The following VPS13A variants were observed in gnomAD, a reference collection of about 807,000 sequenced individuals.
VPS13A encodes the protein intermembrane lipid transfer protein VPS13A.
A neutral mutation model predicts 390.9 loss-of-function variants in VPS13A; 264 were observed. The observed-to-expected ratio is 0.68, with a 90% CI of 0.61 to 0.75. The LOEUF is 0.75. VPS13A is among the 30% of genes least tolerant of loss of function. The probability of loss-of-function intolerance (pLI) is 0.00; values close to 1 mark genes in which losing one functional copy is unlikely to be tolerated. For missense variants in VPS13A, 3,409 were observed against 3,733.9 expected (o/e 0.91, Z 2.27); for synonymous variants, 1,231 against 1,227.1 (o/e 1.00, Z -0.07).
chr9:77,418,513 C>G lies in VPS13A; in HGVS notation c.*2507C>G, dbSNP rs1835241454. Reference sequence around the variant, plus strand: ...TACTCTCTGAGCCAAAAGGCACATACAGTTCTCCAGTGTCTTCCCTTTTAG... The same window carrying G: ...TACTCTCTGAGCCAAAAGGCACATAGAGTTCTCCAGTGTCTTCCCTTTTAG... On this transcript the variant is annotated 3_prime_UTR_variant, in exon 72 of 72. Coordinates refer to ENST00000360280, the MANE Select transcript of VPS13A (RefSeq NM_033305.3). 1 of 152,230 alleles carries G rather than the reference C, an allele frequency of 6.6e-6. No homozygotes were observed. Among genetic ancestry groups the G allele is most frequent in the Non-Finnish European group, 1.5e-5 (1 of 68,048 alleles). 9.4% of individuals were successfully genotyped at this position (152,230 alleles called of 1,614,324 possible). A position where few individuals can be genotyped will look rare whatever the true frequency, so the allele number is the denominator to read the frequency against.
intron 68 of VPS13A, chr9:77,384,593 A>T (rs117258674): frequency 6.2e-7 from 1 of 1,611,492 alleles, no homozygotes; most frequent in Non-Finnish European, 8.5e-7. Flanking sequence ...AGAAAATTCA[A>T]TTCTACAGGG....
At chr9:77,303,871 T>G (rs181368100) in intron 34 of VPS13A, among the ~76,000 whole-genome samples, 371 of 152,270 alleles carry the variant, frequency 2.4e-3, no homozygotes, top group Admixed American at 3.9e-3. Context: ...ATCTCAGAAT[T>G]GAACAAATGT....
chr9:77,207,344 A>G (rs1564630694), intron 5 of VPS13A, among the ~76,000 whole-genome samples: 1 of 147,306 alleles, frequency 6.8e-6, no homozygotes, highest in African/African-American at 2.5e-5. Flanking sequence ...TTTTAAACTC[A>G]TCTCGTGTTT....
intron 13 of VPS13A, among the ~76,000 whole-genome samples, chr9:77,222,207 G>T (rs1184153505): frequency 6.6e-6 from 1 of 152,122 alleles, no homozygotes; most frequent in Non-Finnish European, 1.5e-5. Context: ...TGTTAGGAAT[G>T]CCTGGGCTTA....
intron 23 of VPS13A, among the ~76,000 whole-genome samples, chr9:77,264,765 C>T (rs1356970054): frequency 6.6e-6 from 1 of 152,124 alleles, no homozygotes; most frequent in Admixed American, 6.5e-5. Flanking sequence ...GATTTCCTTT[C>T]TTCCTATTTG....
intron 59 of VPS13A, among the ~76,000 whole-genome samples, chr9:77,365,114 A>C (rs886380204): frequency 6.6e-6 from 1 of 152,236 alleles, no homozygotes; most frequent in African/African-American, 2.4e-5. Context: ...AGTAGACTAC[A>C]AAATACAAGT....
intron 68 of VPS13A, among the ~76,000 whole-genome samples, chr9:77,398,454 G>GT (rs1159355484): frequency 3.3e-5 from 5 of 152,154 alleles, no homozygotes; most frequent in Non-Finnish European, 7.4e-5. Context: ...CTGATCCTCA[G>GT]TTTCTTTGTG....
chr9:77,184,863 C>G (rs945067542), intron 1 of VPS13A, among the ~76,000 whole-genome samples: 3 of 152,090 alleles, frequency 2.0e-5, no homozygotes, highest in African/African-American at 7.2e-5. Context: ...AAGTCCACAA[C>G]AGGGAGGGCA....
At chr9:77,274,244 A>G (rs866074357) in intron 24 of VPS13A, among the ~76,000 whole-genome samples, 5 of 152,096 alleles carry the variant, frequency 3.3e-5, no homozygotes, top group African/African-American at 9.7e-5. Context: ...TCTGGCCAAC[A>G]TGGTGAAACC....
chr9:77,178,335 T>C (rs1399872347), intron 1 of VPS13A, among the ~76,000 whole-genome samples: 1 of 152,178 alleles, frequency 6.6e-6, no homozygotes, highest in African/African-American at 2.4e-5. Flanking sequence ...AATTCCTGGC[T>C]TCACCCGTGG....
chr9:77,320,197 G>T (rs1829659334), intron 42 of VPS13A, among the ~76,000 whole-genome samples: 1 of 152,080 alleles, frequency 6.6e-6, no homozygotes, highest in Admixed American at 6.6e-5. Flanking sequence ...GACCAGGGAG[G>T]TTAAGAGACT....
chr9:77,325,300 C>T (rs1037262666), intron 45 of VPS13A, among the ~76,000 whole-genome samples: 1 of 152,130 alleles, frequency 6.6e-6, no homozygotes, highest in African/African-American at 2.4e-5. Flanking sequence ...CACTTCTTAA[C>T]AGGCCACAGA....
chr9:77,387,862 C>A (rs1833752220), intron 68 of VPS13A, among the ~76,000 whole-genome samples: 1 of 146,238 alleles, frequency 6.8e-6, no homozygotes. Flanking sequence ...CTTATGACAT[C>A]AATATTCAAT....
chr9:77,213,226 A>G lies in VPS13A; in HGVS notation c.616-8A>G, dbSNP rs750602609. On this transcript the variant is annotated splice_polypyrimidine_tract_variant and splice_region_variant and intron_variant, in intron 8 of 71. Transcript: ENST00000360280. Reference sequence around the variant, plus strand: ...GAAAATGAGACATCTAATAAATTTTATTTTCAGTTAATCCGATTGGATAAC... The same window carrying G: ...GAAAATGAGACATCTAATAAATTTTGTTTTCAGTTAATCCGATTGGATAAC... The G allele has an allele frequency of 1.2e-6, 2 of 1,612,066 alleles. No individual in the cohort carries two copies. The highest frequency in any genetic ancestry group is 4.5e-5 in the East Asian group (2 of 44,774).
At chr9:77,401,329 TTGTGTG>T (rs4012461) in intron 68 of VPS13A, among the ~76,000 whole-genome samples, 22,798 of 140,324 alleles carry the variant, frequency 0.16, 1,960 homozygotes, top group East Asian at 0.26. Flanking sequence ...TCACATGAAG[TTGTGTG>T]TGTGTGTGTG....
intron 33 of VPS13A, among the ~76,000 whole-genome samples, chr9:77,300,464 G>T (rs1828276030): frequency 6.6e-6 from 1 of 152,174 alleles, no homozygotes; most frequent in African/African-American, 2.4e-5. Context: ...GGGCACGTTG[G>T]CTTACGCCTG....
At chr9:77,411,172 C>G (rs888448430) in intron 71 of VPS13A, among the ~76,000 whole-genome samples, 4 of 152,092 alleles carry the variant, frequency 2.6e-5, no homozygotes, top group African/African-American at 9.7e-5. Flanking sequence ...ACTGAACAAC[C>G]TGCTCCTGAA....
Position 77,226,514 on chromosome 9 carries a change from G to C in VPS13A, c.1273G>C (p.Glu425Gln). ...KIYKEGVKDP[E>Q]DNKGWFSWLW... ...TTACAAAGAAGGAGTAAAAGATCCA[G>C]AGGATAATAAAGGGTGGTTTAGCTG... The change falls in exon 15 of 72, where the codon GAG becomes CAG. Residue 425 changes from glutamate (E) to glutamine (Q), a missense_variant. Coordinates refer to ENST00000360280, the MANE Select transcript of VPS13A (RefSeq NM_033305.3). 1.9e-6 allele frequency: 3 copies of C among 1,612,880 alleles called. No homozygotes were observed. The highest frequency in any genetic ancestry group is 1.7e-6 in the Non-Finnish European group (2 of 1,179,186).
intron 1 of VPS13A, among the ~76,000 whole-genome samples, chr9:77,197,966 G>T (rs368711007): frequency 7.9e-5 from 12 of 152,090 alleles, no homozygotes; most frequent in African/African-American, 2.4e-4. Flanking sequence ...GACATATGAG[G>T]TACCATTAAT....
Sources: allele counts gnomAD v4.1 joint callset (sites outside exome capture counted in the v4.1 genomes callset), GRCh38; gene constraint gnomAD v4.1.1; transcripts MANE v1.5; gene names NCBI Gene and HGNC (gene_info 2026-07-23, HGNC 2026-07-21).